Variants in PHF20 observed in about 807,000 individuals in gnomAD.
PHF20 encodes the protein glioma-expressed antigen 2.
In PHF20, 23 loss-of-function variants were observed where a neutral mutation model predicts 113.5. The ratio of observed to expected loss-of-function variants is 0.20; its 90% confidence interval spans 0.15 to 0.29. The LOEUF (loss-of-function observed/expected upper bound fraction) is 0.29, where lower values mean the gene tolerates loss of function less well. Ranked by LOEUF, PHF20 falls within the 10% of genes least tolerant of loss-of-function variation. The pLI, the probability that PHF20 is intolerant of heterozygous loss-of-function variation, is 1.00. For synonymous variants in PHF20, 434 were observed against 457.3 expected (o/e 0.95, Z 0.65); for missense variants, 943 against 1,219.6 (o/e 0.77, Z 3.38).
chr20:35,845,511 A>G (rs968667475), intron 3 of PHF20: 15 of 195,434 alleles, frequency 7.7e-5, no homozygotes, highest in African/African-American at 3.3e-4. Flanking sequence ...GACTATAGGC[A>G]TGTACCACTG....
At chr20:35,799,438 C>G (rs909702529) in intron 1 of PHF20, among the ~76,000 whole-genome samples, 2 of 151,794 alleles carry the variant, frequency 1.3e-5, no homozygotes, top group African/African-American at 4.8e-5. Context: ...TGCATTCCAG[C>G]CTGGACAACA....
chr20:35,801,689 T>C (rs2041784476), intron 2 of PHF20, 84 bp downstream of exon 2: 5 of 821,946 alleles, frequency 6.1e-6, no homozygotes, highest in Non-Finnish European at 1.0e-5. Flanking sequence ...TAGGCTTTTT[T>C]TGTGGTGTTT....
At chr20:35,866,162 A>G (rs2054316689) in intron 6 of PHF20, among the ~76,000 whole-genome samples, 2 of 152,222 alleles carry the variant, frequency 1.3e-5, no homozygotes, top group Non-Finnish European at 2.9e-5. Context: ...GTGAGCCGAT[A>G]TCGCACCACT....
intron 1 of PHF20, among the ~76,000 whole-genome samples, chr20:35,779,764 AC>A (rs1328663447): frequency 2.4e-4 from 36 of 150,810 alleles, no homozygotes; most frequent in Middle Eastern, 6.9e-3. Flanking sequence ...CAAGTGATCC[AC>A]CCGCCTCGGC....
intron 6 of PHF20, among the ~76,000 whole-genome samples, chr20:35,867,328 C>T (rs190421997): frequency 7.2e-5 from 11 of 152,214 alleles, no homozygotes; most frequent in Non-Finnish European, 1.6e-4. Flanking sequence ...GGCATGATCT[C>T]GGCTCATTGT....
intron 9 of PHF20, among the ~76,000 whole-genome samples, chr20:35,881,063 TTTTTTTTC>T: frequency 7.0e-6 from 1 of 142,758 alleles, no homozygotes. Flanking sequence ...TTTTTTTTTT[TTTTTTTTC>T]TGAGACGGAG....
At chr20:35,782,886 T>C (rs2041330229) in intron 1 of PHF20, among the ~76,000 whole-genome samples, 3 of 152,112 alleles carry the variant, frequency 2.0e-5, no homozygotes. Context: ...TCCTAATCTG[T>C]AAAGGAAATT....
chr20:35,901,611 A>C (rs1230102177), intron 10 of PHF20, among the ~76,000 whole-genome samples: 2 of 152,120 alleles, frequency 1.3e-5, no homozygotes, highest in Non-Finnish European at 2.9e-5. Context: ...TCTCCTTTTC[A>C]GTCCCATGGC....
At chr20:35,931,996 T>A (rs1460775758) in intron 15 of PHF20, among the ~76,000 whole-genome samples, 1 of 151,790 alleles carries the variant, frequency 6.6e-6, no homozygotes, top group Non-Finnish European at 1.5e-5. Flanking sequence ...TATGCAGCCG[T>A]GAAGCCACCA....
At chr20:35,937,555 C>T (rs527460722) in intron 15 of PHF20, among the ~76,000 whole-genome samples, 1 of 151,758 alleles carries the variant, frequency 6.6e-6, no homozygotes, top group African/African-American at 2.4e-5. Flanking sequence ...GTAGATGAAG[C>T]CTCCAGGTAG....
intron 1 of PHF20, among the ~76,000 whole-genome samples, chr20:35,773,273 T>C (rs1241273328): frequency 6.6e-6 from 1 of 152,172 alleles, no homozygotes; most frequent in Non-Finnish European, 1.5e-5. Flanking sequence ...GAGTGGTCTG[T>C]GGTTTTGAGC....
At chr20:35,925,076 C>T (rs77568402) in intron 13 of PHF20, among the ~76,000 whole-genome samples, 20 of 152,050 alleles carry the variant, frequency 1.3e-4, no homozygotes, top group African/African-American at 3.9e-4. Flanking sequence ...TCTCTTTCAG[C>T]GATTCATCTG....
chr20:35,930,212 G>T (rs2055725204), intron 14 of PHF20, among the ~76,000 whole-genome samples: 1 of 152,128 alleles, frequency 6.6e-6, no homozygotes, highest in Non-Finnish European at 1.5e-5. Context: ...ATTTGCAGGG[G>T]GACTTGAGGC....
At chr20:35,944,432 G>A (rs1325931459) in intron 17 of PHF20, among the ~76,000 whole-genome samples, 1 of 152,204 alleles carries the variant, frequency 6.6e-6, no homozygotes. Flanking sequence ...CCTGGAACTA[G>A]ATCCAAGGTA....
At chr20:35,804,453 G>A (rs1259792207) in intron 2 of PHF20, among the ~76,000 whole-genome samples, 1 of 151,896 alleles carries the variant, frequency 6.6e-6, no homozygotes, top group Non-Finnish European at 1.5e-5. Flanking sequence ...AGCCAGGATG[G>A]TTGCGATCTC....
At chr20:35,911,770 T>C (rs1411445093) in intron 10 of PHF20, among the ~76,000 whole-genome samples, 2 of 152,052 alleles carry the variant, frequency 1.3e-5, no homozygotes, top group Admixed American at 1.3e-4. Flanking sequence ...GCAATTCTTC[T>C]GCCTCAGCCT....
chr20:35,938,486 C>T (rs1257733229), intron 15 of PHF20: 4 of 549,806 alleles, frequency 7.3e-6, no homozygotes, highest in Non-Finnish European at 1.3e-5. Flanking sequence ...TCCAGTCCCA[C>T]TCACTGTGTG....
At chr20:35,853,373 CAT>C (rs2042774301) in intron 4 of PHF20, 1 of 152,110 alleles carries the variant, frequency 6.6e-6, no homozygotes, top group Non-Finnish European at 1.5e-5. Context: ...CCTGAGAAAA[CAT>C]GTTTGAAAAC....
intron 9 of PHF20, among the ~76,000 whole-genome samples, chr20:35,882,011 T>C (rs2054644508): frequency 1.3e-5 from 2 of 152,278 alleles, no homozygotes; most frequent in African/African-American, 4.8e-5. Flanking sequence ...GCTGCTGTTA[T>C]ATTAGAATAA....
Sources: allele counts gnomAD v4.1 joint callset (sites outside exome capture counted in the v4.1 genomes callset), GRCh38; gene constraint gnomAD v4.1.1; transcripts MANE v1.5; gene names NCBI Gene and HGNC (gene_info 2026-07-23, HGNC 2026-07-21).